PPM1L: variants seen among roughly 807,000 people sequenced by gnomAD.
The protein encoded by PPM1L is protein phosphatase, Mg2+/Mn2+ dependent 1L.
PPM1L carries 13 observed loss-of-function variants against 31.4 expected under a neutral mutation model. The ratio of observed to expected loss-of-function variants is 0.41; its 90% CI spans 0.27 to 0.66. The LOEUF is 0.66. Among genes scored for constraint, PPM1L ranks in the 30% least tolerant of loss-of-function variants. PPM1L has a pLI of 0.29. For synonymous variants in PPM1L, 184 were observed against 175.4 expected, an observed-to-expected ratio of 1.05 and a Z score of -0.39; for missense variants, 326 against 453.7, an observed-to-expected ratio of 0.72 and a Z score of 2.56.
chr3:161,068,472 C>T (rs1719807893), intron 3 of PPM1L, among the ~76,000 whole-genome samples: 1 of 152,230 alleles, frequency 6.6e-6, no homozygotes, highest in African/African-American at 2.4e-5. Flanking sequence ...TTGCCACTCT[C>T]CTCAAATCCC....
intron 2 of PPM1L, 44 bp downstream of exon 2, chr3:160,961,954 A>G (rs1395163642): frequency 6.7e-7 from 1 of 1,481,976 alleles, no homozygotes; most frequent in Admixed American, 2.4e-5. Context: ...CTTGCAAAAA[A>G]AATTCATTAT....
intron 1 of PPM1L, among the ~76,000 whole-genome samples, chr3:160,845,221 A>C (rs940442490): frequency 7.2e-5 from 11 of 152,088 alleles, no homozygotes; most frequent in Admixed American, 6.6e-4. Flanking sequence ...ATTTGTGTAC[A>C]ATATGTGTAT....
intron 2 of PPM1L, among the ~76,000 whole-genome samples, chr3:161,054,187 T>C (rs931106440): frequency 6.6e-6 from 1 of 152,086 alleles, no homozygotes; most frequent in Non-Finnish European, 1.5e-5. Context: ...GCTATCCTAG[T>C]ACCTCAGGTC....
At chr3:161,018,412 A>G (rs975564644) in intron 2 of PPM1L, among the ~76,000 whole-genome samples, 6 of 152,198 alleles carry the variant, frequency 3.9e-5, no homozygotes, top group Admixed American at 2.6e-4. Flanking sequence ...TCTTCTTTCT[A>G]TGAACATGAA....
intron 2 of PPM1L, among the ~76,000 whole-genome samples, chr3:160,977,705 A>G (rs1320174531): frequency 3.3e-5 from 5 of 152,218 alleles, no homozygotes. Context: ...GATCAAAGCC[A>G]TAAATAAGGA....
chr3:160,756,603 C>G lies in PPM1L; in HGVS notation c.295C>G (p.Gln99Glu). ...KNHNVAVYSI[Q>E]GRRDHMEDRF... ...CCACAACGTGGCGGTGTACTCCATC[C>G]AGGGCCGGAGAGACCACATGGAGGA... is the stretch of plus-strand genomic sequence containing the variant. The change falls in exon 1 of 4, where the codon CAG (glutamine) becomes GAG (glutamate). Residue 99 changes from glutamine (Q) to glutamate (E), a missense_variant. Around this residue, in one of 3 missense-constraint regions of PPM1L, gnomAD observed 83 missense variants for 79.4 expected, o/e 1.04. Coordinates refer to ENST00000498165, the MANE Select transcript of PPM1L (RefSeq NM_139245.4). The surrounding 1 kb of genome is among the most constrained non-coding windows in gnomAD (Gnocchi z 6.2). 6.2e-7 allele frequency: 1 copy of G among 1,614,148 alleles called. No homozygotes were observed.
intron 1 of PPM1L, among the ~76,000 whole-genome samples, chr3:160,829,535 C>T (rs911898290): frequency 7.2e-5 from 11 of 152,110 alleles, no homozygotes; most frequent in African/African-American, 2.7e-4. Context: ...GGCTCTTTTG[C>T]GTTCATGTTT....
intron 1 of PPM1L, among the ~76,000 whole-genome samples, chr3:160,808,388 T>TGTGTGTGTGTGTGTGTGCGCGCGCGCGC (rs1560112661): frequency 3.1e-4 from 43 of 138,604 alleles, no homozygotes; most frequent in African/African-American, 6.5e-4. Context: ...TTTTCCTGTG[T>TGTGTGTGTGTGTGTGTGCGCGCGCGCGC]GTGTGTGTGT....
chr3:160,932,272 A>C (rs532157538), intron 1 of PPM1L, among the ~76,000 whole-genome samples: 7 of 152,342 alleles, frequency 4.6e-5, no homozygotes, highest in African/African-American at 1.4e-4. Context: ...TATGGGCTAC[A>C]GGGAATGCTT....
At chr3:160,985,233 G>A (rs915088170) in intron 2 of PPM1L, among the ~76,000 whole-genome samples, 1 of 152,208 alleles carries the variant, frequency 6.6e-6, no homozygotes, top group Non-Finnish European at 1.5e-5. Context: ...GGTGATTTCC[G>A]AGATTTTGGT....
intron 1 of PPM1L, among the ~76,000 whole-genome samples, chr3:160,790,147 C>T (rs959496704): frequency 6.6e-6 from 1 of 152,012 alleles, no homozygotes; most frequent in Admixed American, 6.6e-5. Context: ...TCTAAGGATG[C>T]AGAACACACA....
At chr3:160,950,095 A>G (rs1319350297) in intron 1 of PPM1L, among the ~76,000 whole-genome samples, 1 of 152,150 alleles carries the variant, frequency 6.6e-6, no homozygotes, top group Non-Finnish European at 1.5e-5. Flanking sequence ...ACACAAAGTT[A>G]AATTTCAGAG....
intron 2 of PPM1L, among the ~76,000 whole-genome samples, chr3:160,995,222 A>G (rs1717272375): frequency 6.6e-6 from 1 of 152,212 alleles, no homozygotes; most frequent in Non-Finnish European, 1.5e-5. Flanking sequence ...GGAAATTTCA[A>G]GTAAATACAA....
chr3:160,861,911 G>A (rs1711905111), intron 1 of PPM1L, among the ~76,000 whole-genome samples: 1 of 152,102 alleles, frequency 6.6e-6, no homozygotes, highest in African/African-American at 2.4e-5. Flanking sequence ...ATTTCCTCTG[G>A]CTGATATTCC....
rs1460902119 is a variant in PPM1L, at chr3:161,072,966, G to A, written c.*3809G>A. On this transcript the variant is annotated 3_prime_UTR_variant, in exon 4 of 4. Coordinates refer to ENST00000498165, the MANE Select transcript of PPM1L (RefSeq NM_139245.4). ...CACCAGCATTTGTCATCCAGCTCTG[G>A]AGAAATGACATGACTGTTAGATACT... 6.6e-6 allele frequency: 1 copy of A among 152,146 alleles called. No individual in the cohort carries two copies. Among genetic ancestry groups the A allele is most frequent in the Non-Finnish European group, 1.5e-5 (1 of 68,028 alleles). 9.4% of individuals were successfully genotyped at this position (152,146 alleles called of 1,614,324 possible). A position where few individuals can be genotyped will look rare whatever the true frequency, so the allele number is the denominator to read the frequency against.
chr3:160,982,059 C>CT (rs1716817920), intron 2 of PPM1L, among the ~76,000 whole-genome samples: 1 of 152,210 alleles, frequency 6.6e-6, no homozygotes, highest in East Asian at 1.9e-4. Context: ...AGCCACTGCG[C>CT]TTGGCCCCCT....
chr3:161,060,284 C>T (rs1317392647), intron 2 of PPM1L, among the ~76,000 whole-genome samples: 3 of 152,018 alleles, frequency 2.0e-5, no homozygotes, highest in South Asian at 2.1e-4. Flanking sequence ...GAGAGAACAG[C>T]GAGTACAAAA....
intron 1 of PPM1L, among the ~76,000 whole-genome samples, chr3:160,777,103 G>A (rs1711578231): frequency 6.6e-6 from 1 of 151,918 alleles, no homozygotes; most frequent in Non-Finnish European, 1.5e-5. Flanking sequence ...TGGGAGGATT[G>A]CTTGAAGCCA....
chr3:161,044,346 G>GTATGTATT (rs1553757136), intron 2 of PPM1L, among the ~76,000 whole-genome samples: 5 of 143,268 alleles, frequency 3.5e-5, no homozygotes, highest in Admixed American at 7.1e-5. Context: ...GGCCTGCCCT[G>GTATGTATT]TATTTATTTA....
Sources: allele counts gnomAD v4.1 joint callset (sites outside exome capture counted in the v4.1 genomes callset), GRCh38; gene constraint gnomAD v4.1.1; regional missense constraint gnomAD v4.1.1; non-coding constraint Gnocchi (gnomAD v3.1); transcripts MANE v1.5; gene names NCBI Gene and HGNC (gene_info 2026-07-23, HGNC 2026-07-21).